The following HMMR variants were observed in gnomAD, a reference collection of about 807,000 sequenced individuals.
The protein encoded by HMMR is intracellular hyaluronic acid-binding protein.
HMMR carries 108 observed loss-of-function variants against 101.0 expected under a neutral mutation model. The ratio of observed to expected loss-of-function variants is 1.07; its 90% CI spans 0.92 to 1.25. The LOEUF is 1.25. Among genes scored for constraint, HMMR ranks in the 50% most tolerant of loss-of-function variants. The pLI is 0.00. For missense variants in HMMR, 813 were observed against 788.7 expected (o/e 1.03, Z -0.37); for synonymous variants, 296 against 276.4 (o/e 1.07, Z -0.70).
chr5:163,483,537 A>T lies in HMMR; in HGVS notation c.1785+170A>T, dbSNP rs60676825. ...TATACATTTTATTAAATTATGCATA[A>T]TTTTTTCCCACATTATTGAAGTATA... On this transcript the variant is annotated intron_variant, in intron 15 of 17. Transcript: ENST00000393915. Among the ~76,000 whole-genome samples, 28 of 152,110 alleles carry T rather than the reference A, an allele frequency of 1.8e-4. No individual in the cohort carries two copies. In the East Asian group the frequency reaches 5.0e-3, roughly 27 times the overall value.
At position 163,483,480 on chromosome 5, in the gene HMMR, T is replaced by C. The variant is rs1759353690; in HGVS notation, c.1785+113T>C. On this transcript the variant is annotated intron_variant, in intron 15 of 17. Coordinates refer to ENST00000393915, the MANE Select transcript of HMMR (RefSeq NM_001142556.2). Reference sequence around the variant, plus strand: ...CTGCAAGATCATTTTGCTCTGCACTTACAGTGCCAATTTAGCTCACTATTA... The same window carrying C: ...CTGCAAGATCATTTTGCTCTGCACTCACAGTGCCAATTTAGCTCACTATTA... 8.3e-6 allele frequency: 5 copies of C among 600,702 alleles called. No homozygotes were observed. In the Admixed American group the frequency reaches 1.4e-4, roughly 17 times the overall value. 37.2% of individuals were successfully genotyped at this position (600,702 alleles called of 1,614,324 possible). A position where few individuals can be genotyped will look rare whatever the true frequency, so the allele number is the denominator to read the frequency against.
intron 16 of HMMR, 69 bp from the exon 17 acceptor site, chr5:163,490,321 C>A: frequency 9.4e-7 from 1 of 1,068,796 alleles, no homozygotes; most frequent in Non-Finnish European, 1.4e-6. Context: ...TTGCCCGCAA[C>A]ATTGGTAACA....
At chr5:163,489,664 AAC>A (rs550403095) in intron 16 of HMMR, among the ~76,000 whole-genome samples, 2 of 152,232 alleles carry the variant, frequency 1.3e-5, no homozygotes, top group South Asian at 4.1e-4. Flanking sequence ...CAGCATTTTC[AAC>A]ACACTGTGCC....
At chr5:163,481,977 A>G (rs892644952) in intron 12 of HMMR, among the ~76,000 whole-genome samples, 6 of 152,038 alleles carry the variant, frequency 3.9e-5, no homozygotes, top group Non-Finnish European at 8.8e-5. Context: ...GTGCAATGGC[A>G]CTATCTCAGG....
At chr5:163,465,553 GGCTA>G (rs1758675032) in intron 3 of HMMR, among the ~76,000 whole-genome samples, 3 of 32 alleles carry the variant, frequency 0.094, no homozygotes, top group South Asian at 0.3. Flanking sequence ...CAGTTGGGCA[GGCTA>G]GGCTGGTCTT....
In HMMR at chr5:163,478,276, A is replaced by G. The variant is rs77023873; in HGVS notation, c.1269-408A>G. ...AATCCACAAAGTCTTGTAACTCTGT[A>G]GTTTAAAATGAAGTGGCTTTAATTG... On this transcript the variant is annotated intron_variant, in intron 11 of 17. Transcript: ENST00000393915. 6.0e-3 allele frequency among the ~76,000 whole-genome samples: 912 copies of G among 152,322 alleles called. 12 individuals are homozygous for G. The highest frequency in any genetic ancestry group is 0.019 in the African/African-American group (803 of 41,586).
rs768782555 is a variant in HMMR, at chr5:163,473,185, A to T, written c.657A>T (p.Ser219=). The T allele has an allele frequency of 3.3e-6, 5 of 1,518,220 alleles. No individual in the cohort carries two copies. In the East Asian group the frequency reaches 9.0e-5, roughly 27 times the overall value. The allele number at this position is 1,518,220 out of a possible 1,614,324, so 94.0% of individuals were successfully genotyped here. A position where few individuals can be genotyped will look rare whatever the true frequency, so the allele number is the denominator to read the frequency against. The change falls in exon 8 of 18, where the codon TCA becomes TCT. Residue 219 remains serine, a synonymous_variant. Coordinates refer to ENST00000393915, the MANE Select transcript of HMMR (RefSeq NM_001142556.2). ...TATGCAATTTTTGTTTTAGTGTTTCAATAGAGAAAGAAAAGATTGATGAAA... is the reference window on the plus strand; with the variant it reads ...TATGCAATTTTTGTTTTAGTGTTTCTATAGAGAAAGAAAAGATTGATGAAA... ...KIAQLEGKLV[S]IEKEKIDEKS...
At chr5:163,480,915 G>A (rs564785369) in intron 12 of HMMR, among the ~76,000 whole-genome samples, 4 of 152,100 alleles carry the variant, frequency 2.6e-5, no homozygotes, top group Non-Finnish European at 5.9e-5. Flanking sequence ...CTTCTGATGA[G>A]TGGAAATTCT....
At position 163,475,515 on chromosome 5, in the gene HMMR, G is replaced by A; in HGVS notation, c.1111G>A (p.Glu371Lys). The A allele has an allele frequency of 6.2e-7, 1 of 1,609,734 alleles. No homozygotes were observed. The change falls in exon 11 of 18, where the codon GAG becomes AAG. Residue 371 changes from glutamate (E) to lysine (K), a missense_variant. By Grantham distance (56) the Glu-to-Lys change is moderately conservative (BLOSUM62 1). Coordinates refer to ENST00000393915, the MANE Select transcript of HMMR (RefSeq NM_001142556.2). ...LCSFQEEMVK[E>K]KNLFEEELKQ... is the part of the protein sequence containing the mutation. The stretch of plus-strand genomic sequence containing the variant: ...TTCTTTTCAAGAGGAAATGGTTAAA[G>A]AGAAGAATCTGTTTGAGGAAGAATT...
At chr5:163,460,767 G>T in intron 1 of HMMR, 29 bp downstream of exon 1, 2 of 1,594,848 alleles carry the variant, frequency 1.3e-6, no homozygotes, top group South Asian at 1.1e-5. Context: ...GCTGGGGGAC[G>T]GGAGACGCCC....
chr5:163,484,206 T>A lies in HMMR; in HGVS notation c.1923T>A (p.His641Gln). ...AGAATTTGAAACAAAAAATCAAGCA[T>A]GTTGTGAAGTTGAAAGATGAAAATA... The part of the protein sequence containing the change: ...GHQNLKQKIK[H>Q]VVKLKDENSQ... Residue 641 changes from histidine to glutamine, a missense_variant, in exon 16 of 18, where the codon CAT (histidine) becomes CAA (glutamine). By Grantham distance (24) the His-to-Gln change is conservative. Transcript: ENST00000393915. The A allele has an allele frequency of 1.9e-6, 3 of 1,601,542 alleles. No homozygotes were observed. The highest frequency in any genetic ancestry group is 1.7e-6 in the Non-Finnish European group (2 of 1,175,174).
intron 2 of HMMR, 105 bp downstream of exon 2, chr5:163,464,059 A>C: frequency 2.3e-6 from 1 of 435,030 alleles, no homozygotes. Flanking sequence ...ATGTGAAGCT[A>C]GAACTATATT....
chr5:163,462,362 CAAA>C (rs199789414), intron 1 of HMMR, among the ~76,000 whole-genome samples: 2 of 117,152 alleles, frequency 1.7e-5, no homozygotes, highest in Non-Finnish European at 1.8e-5. Context: ...GACTCTGTTT[CAAA>C]AAAAAAAAAG....
chr5:163,468,254 T>G (rs1436076340), intron 4 of HMMR, among the ~76,000 whole-genome samples: 1 of 152,202 alleles, frequency 6.6e-6, no homozygotes, highest in Admixed American at 6.5e-5. Context: ...ACTCACCACA[T>G]GTGATGATCT....
At chr5:163,482,920 C>T (rs1759321591) in intron 13 of HMMR, 100 bp from the exon 14 acceptor site, 1 of 1,334,528 alleles carries the variant, frequency 7.5e-7, no homozygotes, top group Non-Finnish European at 1.0e-6. Context: ...TAAAAAATGA[C>T]ACTTCTTGAA....
At chr5:163,481,756 G>A (rs1242351472) in intron 12 of HMMR, among the ~76,000 whole-genome samples, 3 of 151,894 alleles carry the variant, frequency 2.0e-5, no homozygotes, top group Non-Finnish European at 4.4e-5. Flanking sequence ...TCTTTCCATT[G>A]CCAGCTCCTT....
chr5:163,460,726 A>T lies in HMMR; in HGVS notation c.34A>T (p.Asn12Tyr). ...SFPKAPLKRF[N>Y]DPSGCAPSPG... ...TCCTAAGGCGCCCTTGAAACGATTC[A>T]ATGACCCTTCTGGTGCGTAAGGGGG... Residue 12 changes from asparagine (N) to tyrosine (Y), a missense_variant, in exon 1 of 18, where the codon AAT (asparagine) becomes TAT (tyrosine). Coordinates refer to ENST00000393915, the MANE Select transcript of HMMR (RefSeq NM_001142556.2). The T allele has an allele frequency of 6.2e-7, 1 of 1,608,244 alleles. No homozygotes were observed. The highest frequency in any genetic ancestry group is 8.5e-7 in the Non-Finnish European group (1 of 1,177,392).
chr5:163,490,598 T>G (rs1759661360), intron 17 of HMMR, 46 bp downstream of exon 17: 2 of 1,419,782 alleles, frequency 1.4e-6, no homozygotes, highest in Non-Finnish European at 1.9e-6. Context: ...CCTTTGGATT[T>G]GCTTTTATAG....
intron 17 of HMMR, 99 bp from the exon 18 acceptor site, chr5:163,491,013 C>G: frequency 1.7e-6 from 1 of 585,294 alleles, no homozygotes; most frequent in Non-Finnish European, 3.0e-6. Flanking sequence ...ATTGCTTCAT[C>G]TGCCTTAAAG....
Sources: gnomAD v4.1 joint callset for allele counts (sites outside exome capture counted in the v4.1 genomes callset) on GRCh38, gnomAD v4.1.1 for gene constraint, MANE v1.5 for transcripts, NCBI Gene and HGNC (gene_info 2026-07-23, HGNC 2026-07-21) for gene names.